The following ADAMTSL1 variants were observed in gnomAD, a reference collection of about 807,000 sequenced individuals.
ADAMTSL1 encodes the protein ADAMTS-like protein 1.
In ADAMTSL1, 126 loss-of-function variants were observed where a neutral mutation model predicts 201.8. That is an observed-to-expected ratio of 0.62 (90% CI 0.54 to 0.72). ADAMTSL1 has a LOEUF of 0.72. Ranked by LOEUF, ADAMTSL1 falls within the 30% of genes least tolerant of loss-of-function variation. The pLI, the probability that ADAMTSL1 is intolerant of heterozygous loss-of-function variation, is 0.00. For missense variants in ADAMTSL1, 2,679 were observed against 2,277.8 expected (o/e 1.18, Z -3.59); for synonymous variants, 1,121 against 903.4 (o/e 1.24, Z -4.32).
chr9:17,972,244 T>C (rs1302573483), intron 1 of ADAMTSL1, among the ~76,000 whole-genome samples: 2 of 140,116 alleles, frequency 1.4e-5, no homozygotes, highest in Non-Finnish European at 3.1e-5. Context: ...ACATGTGCCA[T>C]GTTGGTGTGC....
rs568517235 is a variant in ADAMTSL1 at position 18,680,636 on chromosome 9, A to G, written c.1341+120A>G. 5.5e-6 allele frequency: 6 copies of G among 1,093,534 alleles called. No individual in the cohort carries two copies. The Middle Eastern group carries it at 6.1e-4, about 111-fold the overall frequency. 67.7% of individuals were successfully genotyped at this position (1,093,534 alleles called of 1,614,324 possible). ...CTCTTCTTGAGGTGTCTAGAAGCCTACCAGCTTAGCTCCTGGAGTAGGAAT... is the reference window on the plus strand; with the variant it reads ...CTCTTCTTGAGGTGTCTAGAAGCCTGCCAGCTTAGCTCCTGGAGTAGGAAT... On this transcript the variant is annotated intron_variant, in intron 11 of 28. Transcript: ENST00000380548.
intron 21 of ADAMTSL1, among the ~76,000 whole-genome samples, chr9:18,822,320 A>T (rs1359147265): frequency 2.0e-5 from 3 of 152,222 alleles, no homozygotes; most frequent in African/African-American, 7.2e-5. Flanking sequence ...AAGCCAGAAC[A>T]CATGGATTCT....
At chr9:18,345,550 C>T (rs1835678259) in intron 2 of ADAMTSL1, among the ~76,000 whole-genome samples, 1 of 152,086 alleles carries the variant, frequency 6.6e-6, no homozygotes, top group Non-Finnish European at 1.5e-5. Context: ...AACGGAGATA[C>T]CACTACTAAA....
At chr9:18,705,490 C>A (rs1264664432) in intron 13 of ADAMTSL1, among the ~76,000 whole-genome samples, 1 of 152,000 alleles carries the variant, frequency 6.6e-6, no homozygotes, top group Non-Finnish European at 1.5e-5. Flanking sequence ...TTTCTACGTT[C>A]TAGAGAAAAA....
chr9:18,577,847 A>G (rs1043527052), intron 4 of ADAMTSL1, among the ~76,000 whole-genome samples: 1 of 152,226 alleles, frequency 6.6e-6, no homozygotes, highest in Non-Finnish European at 1.5e-5. Flanking sequence ...ACCTTCTACC[A>G]TGTACTATCC....
At chr9:18,290,788 T>TTTGTTTTG (rs1563862926) in intron 2 of ADAMTSL1, among the ~76,000 whole-genome samples, 2 of 43,096 alleles carry the variant, frequency 4.6e-5, no homozygotes, top group Non-Finnish European at 1.2e-4. Flanking sequence ...TGTGTTTTTT[T>TTTGTTTTG]TTTTTTTTTT....
chr9:17,985,079 G>T (rs1818867326), intron 1 of ADAMTSL1, among the ~76,000 whole-genome samples: 1 of 152,132 alleles, frequency 6.6e-6, no homozygotes, highest in South Asian at 2.1e-4. Flanking sequence ...AATTAAGTTA[G>T]TTCTTCCAAG....
chr9:17,915,220 C>G (rs1421100155), intron 1 of ADAMTSL1, among the ~76,000 whole-genome samples: 1 of 152,180 alleles, frequency 6.6e-6, no homozygotes, highest in Non-Finnish European at 1.5e-5. Context: ...AAATAATGAT[C>G]ACCAGACAAA....
intron 4 of ADAMTSL1, among the ~76,000 whole-genome samples, chr9:18,603,003 G>A (rs946218351): frequency 1.1e-4 from 17 of 152,108 alleles, no homozygotes; most frequent in African/African-American, 2.4e-4. Context: ...ATATTTTTAC[G>A]TAAAATGAGA....
At chr9:18,256,879 A>C (rs1831709224) in intron 2 of ADAMTSL1, among the ~76,000 whole-genome samples, 1 of 152,210 alleles carries the variant, frequency 6.6e-6, no homozygotes, top group Non-Finnish European at 1.5e-5. Flanking sequence ...CCATATTCAA[A>C]GTAAAAGAGT....
intron 2 of ADAMTSL1, among the ~76,000 whole-genome samples, chr9:18,361,140 A>G (rs368510070): frequency 2.6e-5 from 4 of 152,306 alleles, no homozygotes; most frequent in African/African-American, 9.6e-5. Context: ...CGACAGGTTT[A>G]CATTTTACAG....
intron 1 of ADAMTSL1, among the ~76,000 whole-genome samples, chr9:18,503,782 A>C (rs1030247155): frequency 6.6e-6 from 1 of 152,150 alleles, no homozygotes; most frequent in African/African-American, 2.4e-5. Flanking sequence ...TTTGTATAAC[A>C]TCCTAAGGCC....
At chr9:18,770,858 G>C in intron 17 of ADAMTSL1, 77 bp downstream of exon 17, 1 of 1,415,932 alleles carries the variant, frequency 7.1e-7, no homozygotes, top group Non-Finnish European at 9.6e-7. Context: ...ACATAGAAAA[G>C]GCAAGAAGAG....
At chr9:18,648,883 G>C (rs368033010) in intron 7 of ADAMTSL1, among the ~76,000 whole-genome samples, 1 of 152,176 alleles carries the variant, frequency 6.6e-6, no homozygotes, top group East Asian at 1.9e-4. Flanking sequence ...TGCTCTTCTC[G>C]AGGAGTACCT....
chr9:18,523,115 T>A (rs1396319030), intron 2 of ADAMTSL1, among the ~76,000 whole-genome samples: 1 of 152,200 alleles, frequency 6.6e-6, no homozygotes, highest in African/African-American at 2.4e-5. Flanking sequence ...GTTTCCTGAC[T>A]TTTTAATGAT....
At chr9:18,090,644 A>G (rs1464448163) in intron 1 of ADAMTSL1, among the ~76,000 whole-genome samples, 1 of 152,192 alleles carries the variant, frequency 6.6e-6, no homozygotes, top group African/African-American at 2.4e-5. Context: ...TTAATTGCGG[A>G]ATGTGAAAAA....
At chr9:17,925,462 C>A (rs1826485454) in intron 1 of ADAMTSL1, among the ~76,000 whole-genome samples, 4 of 96,616 alleles carry the variant, frequency 4.1e-5, no homozygotes, top group East Asian at 4.9e-4. Context: ...ACCCAAATGT[C>A]CAACAATGAT....
intron 23 of ADAMTSL1, among the ~76,000 whole-genome samples, chr9:18,884,099 T>G (rs994692167): frequency 3.9e-5 from 6 of 152,206 alleles, no homozygotes; most frequent in South Asian, 2.1e-4. Flanking sequence ...TTTCTTTTAA[T>G]AATAGCCATC....
chr9:18,537,748 C>G (rs7030986), intron 3 of ADAMTSL1, among the ~76,000 whole-genome samples: 10,172 of 151,494 alleles, frequency 0.067, 1,121 homozygotes, highest in African/African-American at 0.23. Context: ...CTGGTGTGCA[C>G]CTGTTGTCCC....
Sources: allele counts gnomAD v4.1 joint callset (sites outside exome capture counted in the v4.1 genomes callset), GRCh38; gene constraint gnomAD v4.1.1; transcripts MANE v1.5; gene names NCBI Gene and HGNC (gene_info 2026-07-23, HGNC 2026-07-21).